Variants in DPP10 observed in about 807,000 individuals in gnomAD.
DPP10 encodes the protein inactive dipeptidyl peptidase 10.
DPP10 carries 33 observed loss-of-function variants against 120.9 expected under a neutral mutation model. The observed-to-expected ratio is 0.27, with a 90% CI of 0.21 to 0.37. The LOEUF is 0.37. Ranked by LOEUF, DPP10 falls within the 10% of genes least tolerant of loss-of-function variation. DPP10 has a pLI of 1.00. For missense variants in DPP10, 816 were observed against 942.8 expected (o/e 0.87, Z 1.76); for synonymous variants, 337 against 326.1 (o/e 1.03, Z -0.36).
intron 1 of DPP10, among the ~76,000 whole-genome samples, chr2:114,497,271 A>ATG (rs1682669971): frequency 1.5e-5 from 1 of 65,310 alleles, no homozygotes. Flanking sequence ...GTATACATGT[A>ATG]CATGTATACG....
chr2:114,699,664 T>A (rs192204660), intron 1 of DPP10, among the ~76,000 whole-genome samples: 11 of 152,094 alleles, frequency 7.2e-5, no homozygotes, highest in Non-Finnish European at 1.5e-4. Context: ...AAGGTTTACA[T>A]GTTAAGACAA....
rs771209715 is a variant in DPP10, at chr2:114,870,830, A to G, written c.60+427992A>G. On this transcript the variant is annotated intron_variant, in intron 1 of 25. Coordinates refer to ENST00000410059, the MANE Select transcript of DPP10 (RefSeq NM_020868.6). The stretch of plus-strand genomic sequence containing the variant: ...TTACATAGATTTCCTCTTAACAGAG[A>G]ACGTCCATCGGGATCTTTTCATGAA... Among the ~76,000 whole-genome samples the G allele has an allele frequency of 2.2e-5, 3 of 135,604 alleles. 1 individual carries two copies. The highest frequency in any genetic ancestry group is 4.8e-5 in the Non-Finnish European group (3 of 61,926). The allele number at this position is 135,604 out of a possible 152,430, so 89.0% of individuals were successfully genotyped here. A position where few individuals can be genotyped will look rare whatever the true frequency, so the allele number is the denominator to read the frequency against.
intron 1 of DPP10, among the ~76,000 whole-genome samples, chr2:115,186,642 A>G (rs1186278198): frequency 1.3e-5 from 2 of 152,202 alleles, no homozygotes; most frequent in African/African-American, 2.4e-5. Flanking sequence ...CTCAAATTGT[A>G]TAACCCTCAA....
intron 1 of DPP10, among the ~76,000 whole-genome samples, chr2:114,467,300 C>T (rs1339601793): frequency 2.0e-5 from 3 of 152,142 alleles, no homozygotes; most frequent in East Asian, 1.9e-4. Flanking sequence ...CTGGGTAGAG[C>T]GTGTGGTGAA....
At chr2:115,167,876 G>T (rs2053018923) in intron 1 of DPP10, among the ~76,000 whole-genome samples, 1 of 152,096 alleles carries the variant, frequency 6.6e-6, no homozygotes, top group Non-Finnish European at 1.5e-5. Context: ...AAGAAGTCAG[G>T]CTAAAAGTAA....
At position 115,666,321 on chromosome 2, in the gene DPP10, C is replaced by T. The variant is rs536244570; in HGVS notation, c.442-23366C>T. 2.6e-5 allele frequency among the ~76,000 whole-genome samples: 4 copies of T among 152,118 alleles called. No individual in the cohort carries two copies. In the South Asian group the frequency reaches 8.3e-4, roughly 31 times the overall value. The stretch of plus-strand genomic sequence containing the variant: ...ATCATGGTGGAAGGCAAAAGGGAAG[C>T]AGGCACCTTCTTCACAGCGCTGCAA... On this transcript the variant is annotated intron_variant, in intron 5 of 25. Transcript: ENST00000410059.
intron 1 of DPP10, among the ~76,000 whole-genome samples, chr2:114,961,235 G>A (rs1454863223): frequency 2.0e-5 from 3 of 151,792 alleles, no homozygotes; most frequent in Admixed American, 2.0e-4. Flanking sequence ...TGTATTTTTA[G>A]TAGAGACGAG....
intron 1 of DPP10, among the ~76,000 whole-genome samples, chr2:114,600,165 G>T (rs1490266001): frequency 6.6e-6 from 1 of 151,454 alleles, no homozygotes; most frequent in African/African-American, 2.4e-5. Context: ...CAGTTACACA[G>T]ATGTTAAACC....
Position 114,974,998 on chromosome 2 carries a change from T to C in DPP10, c.61-334241T>C, listed in dbSNP as rs78035007. Among the ~76,000 whole-genome samples the C allele has an allele frequency of 7.8e-3, 1,183 of 151,766 alleles. 21 individuals are homozygous for C. Among genetic ancestry groups the C allele is most frequent in the African/African-American group, 0.027 (1,115 of 41,388 alleles). On this transcript the variant is annotated intron_variant, in intron 1 of 25. Transcript: ENST00000410059. Reference sequence around the variant, plus strand: ...GTAGAATTCATGTTAAAGAAAAAAATATAAAACTGACAGGTGAGATAGAAA... The same window carrying C: ...GTAGAATTCATGTTAAAGAAAAAAACATAAAACTGACAGGTGAGATAGAAA...
At chr2:115,339,451 TG>T (rs1250110773) in intron 2 of DPP10, among the ~76,000 whole-genome samples, 1 of 152,194 alleles carries the variant, frequency 6.6e-6, no homozygotes, top group Non-Finnish European at 1.5e-5. Flanking sequence ...ACTGCATATT[TG>T]GGCATTTATC....
At chr2:115,791,958 C>A (rs559046342) in intron 19 of DPP10, among the ~76,000 whole-genome samples, 1 of 152,136 alleles carries the variant, frequency 6.6e-6, no homozygotes, top group East Asian at 1.9e-4. Context: ...TAAGTTATTT[C>A]CCTTATTAAT....
At chr2:115,837,762 A>C (rs1689681464) in intron 24 of DPP10, among the ~76,000 whole-genome samples, 1 of 152,090 alleles carries the variant, frequency 6.6e-6, no homozygotes. Context: ...TCTAACCATG[A>C]GAAAACCATC....
At chr2:114,628,763 C>A (rs539648291) in intron 1 of DPP10, among the ~76,000 whole-genome samples, 2 of 152,164 alleles carry the variant, frequency 1.3e-5, no homozygotes, top group South Asian at 4.2e-4. Flanking sequence ...GAGAAATGGG[C>A]GAACGAACGG....
At chr2:115,414,699 A>G (rs554307293) in intron 3 of DPP10, among the ~76,000 whole-genome samples, 1 of 152,202 alleles carries the variant, frequency 6.6e-6, no homozygotes, top group Non-Finnish European at 1.5e-5. Flanking sequence ...GATTTGTCCA[A>G]AGAAAGTAAT....
chr2:114,452,380 T>C (rs1483666427), intron 1 of DPP10, among the ~76,000 whole-genome samples: 1 of 152,184 alleles, frequency 6.6e-6, no homozygotes, highest in Non-Finnish European at 1.5e-5. Context: ...TCTCTCTTGA[T>C]GGCTCACACC....
intron 5 of DPP10, chr2:115,579,569 T>G (rs2081896028): frequency 6.6e-6 from 1 of 152,216 alleles, no homozygotes; most frequent in South Asian, 2.1e-4. Flanking sequence ...CTCCATCCAG[T>G]GCAGAACTTA....
chr2:115,416,925 G>A (rs1286255403), intron 3 of DPP10, among the ~76,000 whole-genome samples: 1 of 152,172 alleles, frequency 6.6e-6, no homozygotes, highest in Non-Finnish European at 1.5e-5. Flanking sequence ...TCAAGGGACA[G>A]TGCCAGAAGC....
intron 1 of DPP10, among the ~76,000 whole-genome samples, chr2:115,031,242 T>C (rs1398350907): frequency 6.6e-6 from 1 of 152,104 alleles, no homozygotes; most frequent in Non-Finnish European, 1.5e-5. Flanking sequence ...ATTCAATGTA[T>C]ATTGAAAAGA....
intron 1 of DPP10, among the ~76,000 whole-genome samples, chr2:114,899,683 C>A (rs942866817): frequency 6.6e-6 from 1 of 152,084 alleles, no homozygotes; most frequent in East Asian, 1.9e-4. Context: ...TAGGGCCAGG[C>A]GCGGTGGCTC....
Sources: allele counts gnomAD v4.1 joint callset (sites outside exome capture counted in the v4.1 genomes callset), GRCh38; gene constraint gnomAD v4.1.1; transcripts MANE v1.5; gene names NCBI Gene and HGNC (gene_info 2026-07-23, HGNC 2026-07-21).